SPTAN1: variants seen among roughly 807,000 people sequenced by gnomAD.
SPTAN1 encodes spectrin alpha, non-erythrocytic 1, also known as spectrin alpha chain, non-erythrocytic 1.
In SPTAN1, 61 loss-of-function variants were observed where a neutral mutation model predicts 331.3. That is an observed-to-expected ratio of 0.18 (90% CI 0.15 to 0.23). The LOEUF (loss-of-function observed/expected upper bound fraction) is 0.23. SPTAN1 is among the 10% of genes least tolerant of loss of function. SPTAN1 has a pLI of 1.00. For missense variants in SPTAN1, 2,043 were observed against 3,147.9 expected (o/e 0.65, Z 8.40); for synonymous variants, 1,153 against 1,173.9 (o/e 0.98, Z 0.36).
In SPTAN1 at chr9:128,632,492, C is replaced by A; in HGVS notation, c.7013+8C>A. On this transcript the variant is annotated splice_region_variant and intron_variant, in intron 54 of 56. Coordinates refer to ENST00000372739, the MANE Select transcript of SPTAN1 (RefSeq NM_001130438.3). ...ATTCAGCATGATGTTTAAGTGAGTT[C>A]AGCCTTACTCGCCCTGGCTGGGTGG... 6.2e-7 allele frequency: 1 copy of A among 1,614,216 alleles called. No individual in the cohort carries two copies. Among genetic ancestry groups the A allele is most frequent in the South Asian group, 1.1e-5 (1 of 91,084 alleles).
chr9:128,631,692 G>C (rs983328358), intron 52 of SPTAN1: 1 of 195,174 alleles, frequency 5.1e-6, no homozygotes, highest in Non-Finnish European at 1.1e-5. Flanking sequence ...CAGGTGTGGT[G>C]ATGGGCACCT....
intron 2 of SPTAN1, among the ~76,000 whole-genome samples, 179 bp downstream of exon 2, chr9:128,567,156 G>A (rs1396429290): frequency 6.6e-6 from 1 of 152,152 alleles, no homozygotes. Context: ...GAATCTTAGA[G>A]GTATTAATTG....
intron 43 of SPTAN1, among the ~76,000 whole-genome samples, chr9:128,618,569 T>C (rs1003865657): frequency 6.6e-6 from 1 of 152,080 alleles, no homozygotes; most frequent in Non-Finnish European, 1.5e-5. Flanking sequence ...CTGCAAGCTC[T>C]GCCTCCCAGG....
intron 26 of SPTAN1, chr9:128,599,325 G>A: frequency 2.8e-6 from 1 of 359,746 alleles, no homozygotes; most frequent in Middle Eastern, 9.6e-4. Flanking sequence ...AGTAGAGATG[G>A]GGTTTCACCA....
intron 1 of SPTAN1, among the ~76,000 whole-genome samples, chr9:128,555,792 G>A (rs6478838): frequency 0.98 from 149,200 of 152,260 alleles, 73,184 homozygotes; most frequent in East Asian, 1. Context: ...GATATTTGGA[G>A]AAAATAATCT....
rs1856237907 is a variant in SPTAN1, at chr9:128,608,856, GC to G, written c.4492-16del. 1.2e-6 allele frequency: 2 copies of G among 1,612,818 alleles called. 1 individual carries two copies. Among genetic ancestry groups the G allele is most frequent in the South Asian group, 2.2e-5 (2 of 90,998 alleles). ...AGCCACAGGCCCACCTTGATCTCATGCCTTTGTTTTCTGACAGGAAGAGAAG... is the reference window on the plus strand; with the variant it reads ...AGCCACAGGCCCACCTTGATCTCATGCTTTGTTTTCTGACAGGAAGAGAAG... On this transcript the variant is annotated splice_polypyrimidine_tract_variant and intron_variant, in intron 34 of 56. Transcript: ENST00000372739.
In SPTAN1 at chr9:128,615,688, C is replaced by T. The variant is rs757734927; in HGVS notation, c.5205C>T (p.Phe1735=). Reference sequence around the variant, plus strand: ...ACAGCCTGATGACCAGCAGTGCCTTCGACACCTCCCAAGTAAAGGACAAGA... The same window carrying T: ...ACAGCCTGATGACCAGCAGTGCCTTTGACACCTCCCAAGTAAAGGACAAGA... ...QADSLMTSSA[F]DTSQVKDKRD... Residue 1735 remains phenylalanine (F), a synonymous_variant, in exon 41 of 57, where the codon TTC becomes TTT. Transcript: ENST00000372739. 57 of 1,614,154 alleles carry T rather than the reference C, an allele frequency of 3.5e-5. 1 individual carries two copies. Among genetic ancestry groups the T allele is most frequent in the South Asian group, 1.9e-4 (17 of 91,070 alleles).
intron 16 of SPTAN1, 57 bp downstream of exon 16, chr9:128,584,026 G>A (rs2131155413): frequency 6.2e-7 from 1 of 1,603,602 alleles, no homozygotes; most frequent in African/African-American, 1.3e-5. Context: ...ATAGGAGGGA[G>A]GAAAAGCCAG....
At position 128,564,238 on chromosome 9, in the gene SPTAN1, G is replaced by T. The variant is rs376228888; in HGVS notation, c.-3-2500G>T. 6.6e-5 allele frequency among the ~76,000 whole-genome samples: 10 copies of T among 152,236 alleles called. No homozygotes were observed. In the East Asian group the frequency reaches 1.7e-3, roughly 26 times the overall value. On this transcript the variant is annotated intron_variant, in intron 1 of 56. Coordinates refer to ENST00000372739, the MANE Select transcript of SPTAN1 (RefSeq NM_001130438.3). The stretch of plus-strand genomic sequence containing the variant: ...GTTCGAGACCAGCCTGGCCAACATG[G>T]TGAAACCCCGTCTCTACTAAAAATA...
intron 40 of SPTAN1, among the ~76,000 whole-genome samples, chr9:128,614,698 G>C (rs1056016379): frequency 8.5e-5 from 13 of 152,174 alleles, no homozygotes; most frequent in African/African-American, 3.1e-4. Context: ...TTGAGTCCAG[G>C]CAGGAGGTTG....
chr9:128,564,250 C>G (rs555372194), intron 1 of SPTAN1, among the ~76,000 whole-genome samples: 28 of 152,152 alleles, frequency 1.8e-4, no homozygotes, highest in South Asian at 4.1e-4. Context: ...GAAACCCCGT[C>G]TCTACTAAAA....
At position 128,577,182 on chromosome 9, in the gene SPTAN1, C is replaced by G; in HGVS notation, c.839C>G (p.Ser280Cys). Residue 280 changes from serine to cysteine, a missense_variant, in exon 7 of 57, where the codon TCT becomes TGT. Transcript: ENST00000372739. The surrounding 1 kb of genome is among the most constrained non-coding windows in gnomAD (Gnocchi z 4.2). The stretch of plus-strand genomic sequence containing the variant: ...AAGGAAAAGGAGCAGTTAATGGCCT[C>G]TGATGATTTTGGCCGAGACCTGGCA... ...WIKEKEQLMA[S>C]DDFGRDLASV... The G allele has an allele frequency of 1.2e-6, 2 of 1,614,206 alleles. No individual in the cohort carries two copies. Among genetic ancestry groups the G allele is most frequent in the Non-Finnish European group, 1.7e-6 (2 of 1,180,044 alleles).
intron 37 of SPTAN1, among the ~76,000 whole-genome samples, chr9:128,610,192 C>G (rs1308247991): frequency 6.6e-6 from 1 of 152,084 alleles, no homozygotes; most frequent in African/African-American, 2.4e-5. Context: ...TCAAGGAACA[C>G]AAATGAGAAG....
intron 10 of SPTAN1, among the ~76,000 whole-genome samples, chr9:128,580,246 ACTCTGGCTTG>A (rs1265896331): frequency 6.6e-6 from 1 of 151,708 alleles, no homozygotes; most frequent in Non-Finnish European, 1.5e-5. Context: ...GCACCACTGC[ACTCTGGCTTG>A]AGTGACAGAG....
Position 128,591,637 on chromosome 9 carries a change from A to G in SPTAN1, c.3155+12A>G, listed in dbSNP as rs184577750. 5.6e-6 allele frequency: 9 copies of G among 1,613,666 alleles called. No individual in the cohort carries two copies. The highest frequency in any genetic ancestry group is 1.7e-5 in the Admixed American group (1 of 60,008). Reference sequence around the variant, plus strand: ...CAGATTGACAATCAGTAAGGATGACACTGGGGGCCGCAAGGGCTAGGCGTC... The same window carrying G: ...CAGATTGACAATCAGTAAGGATGACGCTGGGGGCCGCAAGGGCTAGGCGTC... On this transcript the variant is annotated intron_variant, in intron 22 of 56. Transcript: ENST00000372739.
In SPTAN1 at chr9:128,626,390, G is replaced by T; in HGVS notation, c.6280-1G>T. Reference sequence around the variant, plus strand: ...GCCAACTCAGTCTCTTCTGCTTCCAGGTGGAGGACCTCTTCCTGACCTTCG... The same window carrying T: ...GCCAACTCAGTCTCTTCTGCTTCCATGTGGAGGACCTCTTCCTGACCTTCG... On this transcript the variant is annotated splice_acceptor_variant, in intron 48 of 56. Transcript: ENST00000372739. LOFTEE classifies it high-confidence loss of function. The T allele has an allele frequency of 6.2e-7, 1 of 1,613,746 alleles. No individual in the cohort carries two copies. The highest frequency in any genetic ancestry group is 8.5e-7 in the Non-Finnish European group (1 of 1,180,042).
Position 128,577,283 on chromosome 9 carries a change from A to C in SPTAN1, c.930+10A>C. ...TGCTCTAGAAGACAAGGTGGGTTTT[A>C]CAAGCAGCTGATTCTGTAAATAAGT... On this transcript the variant is annotated intron_variant, in intron 7 of 56. Coordinates refer to ENST00000372739, the MANE Select transcript of SPTAN1 (RefSeq NM_001130438.3). The surrounding 1 kb of genome is among the most constrained non-coding windows in gnomAD (Gnocchi z 4.2). The C allele has an allele frequency of 6.2e-7, 1 of 1,614,228 alleles. No homozygotes were observed. Among genetic ancestry groups the C allele is most frequent in the Non-Finnish European group, 8.5e-7 (1 of 1,180,042 alleles).
intron 15 of SPTAN1, 137 bp from the exon 16 acceptor site, chr9:128,583,651 T>C: frequency 1.1e-6 from 1 of 949,206 alleles, no homozygotes; most frequent in Non-Finnish European, 1.6e-6. Flanking sequence ...ATTGATATTT[T>C]CTTTCTCTTT....
intron 1 of SPTAN1, among the ~76,000 whole-genome samples, chr9:128,563,330 C>T (rs1453836550): frequency 1.3e-5 from 2 of 151,800 alleles, no homozygotes; most frequent in Non-Finnish European, 2.9e-5. Flanking sequence ...GCGGGAGGAT[C>T]GCTGGAGCCC....
Sources: allele counts gnomAD v4.1 joint callset (sites outside exome capture counted in the v4.1 genomes callset), GRCh38; gene constraint gnomAD v4.1.1; non-coding constraint Gnocchi (gnomAD v3.1); transcripts MANE v1.5; gene names NCBI Gene and HGNC (gene_info 2026-07-23, HGNC 2026-07-21).